The following CCDC171 variants were observed in gnomAD, a reference collection of about 807,000 sequenced individuals.
The protein encoded by CCDC171 is coiled-coil domain containing 171.
CCDC171 carries 177 observed loss-of-function variants against 168.2 expected under a neutral mutation model. The ratio of observed to expected loss-of-function variants is 1.05; its 90% CI spans 0.93 to 1.19. CCDC171 has a LOEUF of 1.19. Ranked by LOEUF, CCDC171 falls within the 50% of genes most tolerant of loss-of-function variation. The probability of loss-of-function intolerance (pLI) is 0.00; values close to 1 mark genes in which losing one functional copy is unlikely to be tolerated. For missense variants in CCDC171, 1,991 were observed against 1,539.0 expected, an observed-to-expected ratio of 1.29 and a Z score of -4.91; for synonymous variants, 687 against 540.8, an observed-to-expected ratio of 1.27 and a Z score of -3.75.
At chr9:16,044,143 T>A (rs1833616202) in intron 1 of CCDC171, among the ~76,000 whole-genome samples, 1 of 152,192 alleles carries the variant, frequency 6.6e-6, no homozygotes, top group African/African-American at 2.4e-5. Context: ...CTACTTCTTT[T>A]CAAAGAGAAA....
intron 6 of CCDC171, 150 bp from the exon 7 acceptor site, chr9:15,623,117 G>A (rs1300828829): frequency 6.6e-6 from 3 of 454,566 alleles, no homozygotes; most frequent in Non-Finnish European, 1.1e-5. Context: ...AAACATTGAT[G>A]GAAAATATCT....
chr9:16,081,201 A>G, the CCDC171 span, among the ~76,000 whole-genome samples: 310 of 152,312 alleles, frequency 2.0e-3, 1 homozygote, highest in African/African-American at 7.0e-3. Context: ...GCATCAATTC[A>G]TTCTTTCTTG....
At chr9:15,590,826 T>TTC (rs2041950844) in intron 4 of CCDC171, among the ~76,000 whole-genome samples, 1 of 148,614 alleles carries the variant, frequency 6.7e-6, no homozygotes, top group African/African-American at 2.5e-5. Context: ...TCTTTCTTTC[T>TTC]TTCTTTCTTC....
chr9:16,005,069 A>G (rs1441228376), intron 3 of CCDC171, among the ~76,000 whole-genome samples: 5 of 152,228 alleles, frequency 3.3e-5, no homozygotes, highest in Non-Finnish European at 7.3e-5. Flanking sequence ...CAATTCAATG[A>G]TACAGTATTT....
At chr9:15,791,739 T>G (rs1375245393) in intron 21 of CCDC171, among the ~76,000 whole-genome samples, 3 of 152,032 alleles carry the variant, frequency 2.0e-5, no homozygotes, top group Admixed American at 2.0e-4. Flanking sequence ...TTCAGCAAAC[T>G]CCAACAGACC....
At chr9:16,086,843 T>G in the CCDC171 span, among the ~76,000 whole-genome samples, 2 of 152,232 alleles carry the variant, frequency 1.3e-5, no homozygotes, top group Admixed American at 1.3e-4. Context: ...TAATAGTTCT[T>G]TCCTGCTTTC....
chr9:15,576,652 G>A (rs1021695940), intron 3 of CCDC171, among the ~76,000 whole-genome samples: 1 of 152,130 alleles, frequency 6.6e-6, no homozygotes, highest in Non-Finnish European at 1.5e-5. Flanking sequence ...GGCTAATGTC[G>A]AATTCAATTT....
At chr9:15,913,396 G>A (rs1824004817) in intron 24 of CCDC171, among the ~76,000 whole-genome samples, 1 of 152,076 alleles carries the variant, frequency 6.6e-6, no homozygotes, top group Non-Finnish European at 1.5e-5. Context: ...ATTTGTTATT[G>A]TGTCTATTTG....
intron 21 of CCDC171, among the ~76,000 whole-genome samples, chr9:15,805,923 T>C (rs2059052337): frequency 6.6e-6 from 1 of 152,210 alleles, no homozygotes; most frequent in Admixed American, 6.5e-5. Flanking sequence ...GAATGTGCTT[T>C]ATGAATCTAG....
chr9:15,630,079 G>A (rs1403715403), intron 7 of CCDC171, among the ~76,000 whole-genome samples: 1 of 152,152 alleles, frequency 6.6e-6, no homozygotes, highest in Non-Finnish European at 1.5e-5. Context: ...AATCATGCCA[G>A]ACTGTAAAGA....
At position 15,972,044 on chromosome 9, in the gene CCDC171, C is replaced by T; in HGVS notation, c.*208C>T. On this transcript the variant is annotated 3_prime_UTR_variant, in exon 26 of 26. Coordinates refer to ENST00000380701, the MANE Select transcript of CCDC171 (RefSeq NM_173550.4). ...TCTCTCCAAGTTTTATTTGTTATCACAGTTGCTCATTTTTATGTAACATAT... is the reference window on the plus strand; with the variant it reads ...TCTCTCCAAGTTTTATTTGTTATCATAGTTGCTCATTTTTATGTAACATAT... 1.9e-6 allele frequency: 1 copy of T among 513,642 alleles called. No individual in the cohort carries two copies. The allele number at this position is 513,642 out of a possible 1,614,324, so 31.8% of individuals were successfully genotyped here. A position where few individuals can be genotyped will look rare whatever the true frequency, so the allele number is the denominator to read the frequency against.
At chr9:15,649,177 G>A (rs561764666) in intron 7 of CCDC171, among the ~76,000 whole-genome samples, 20 of 152,188 alleles carry the variant, frequency 1.3e-4, no homozygotes, top group African/African-American at 4.6e-4. Flanking sequence ...AATGGTGCTG[G>A]GAAAACTGGC....
chr9:16,004,637 G>A (rs141769849), intron 3 of CCDC171, among the ~76,000 whole-genome samples: 3 of 152,216 alleles, frequency 2.0e-5, no homozygotes, highest in East Asian at 1.9e-4. Flanking sequence ...CGAATGCCCC[G>A]TCACTGCCTT....
At chr9:16,085,375 T>C in the CCDC171 span, among the ~76,000 whole-genome samples, 1 of 152,220 alleles carries the variant, frequency 6.6e-6, no homozygotes, top group Non-Finnish European at 1.5e-5. Flanking sequence ...CTCAGCTGCA[T>C]GTAGCACTGA....
chr9:15,704,157 GA>G (rs2052023225), intron 11 of CCDC171, among the ~76,000 whole-genome samples: 2 of 151,272 alleles, frequency 1.3e-5, no homozygotes, highest in South Asian at 4.2e-4. Flanking sequence ...GGATATCTTT[GA>G]GGGAAAAATC....
chr9:15,606,595 G>C (rs1327204754), intron 6 of CCDC171, among the ~76,000 whole-genome samples: 2 of 152,152 alleles, frequency 1.3e-5, no homozygotes, highest in Non-Finnish European at 2.9e-5. Context: ...GAAAAGAGGA[G>C]TACATTTAAC....
intron 9 of CCDC171, among the ~76,000 whole-genome samples, chr9:15,669,656 C>A (rs922157960): frequency 1.1e-4 from 17 of 152,150 alleles, no homozygotes; most frequent in South Asian, 8.3e-4. Flanking sequence ...CAACTGATTG[C>A]TGGGCAATAG....
At chr9:15,968,445 T>C (rs1831013328) in intron 25 of CCDC171, among the ~76,000 whole-genome samples, 1 of 152,166 alleles carries the variant, frequency 6.6e-6, no homozygotes, top group Admixed American at 6.6e-5. Flanking sequence ...CTGGATATTA[T>C]TCTGGATATT....
intron 9 of CCDC171, among the ~76,000 whole-genome samples, chr9:15,674,335 A>T (rs540705011): frequency 6.6e-6 from 1 of 152,046 alleles, no homozygotes; most frequent in Non-Finnish European, 1.5e-5. Context: ...TGACTTTTTG[A>T]AGGGTTTTTT....
Sources: gnomAD v4.1 joint callset for allele counts (sites outside exome capture counted in the v4.1 genomes callset) on GRCh38, gnomAD v4.1.1 for gene constraint, MANE v1.5 for transcripts, NCBI Gene and HGNC (gene_info 2026-07-23, HGNC 2026-07-21) for gene names.